Variants in MYO1H observed in about 807,000 individuals in gnomAD.
MYO1H encodes the protein myosin IH.
A neutral mutation model predicts 149.3 loss-of-function variants in MYO1H; 118 were observed. That is an observed-to-expected ratio of 0.79 (90% CI 0.68 to 0.92). The LOEUF (loss-of-function observed/expected upper bound fraction) is 0.92. MYO1H is among the 40% of genes least tolerant of loss of function. MYO1H has a pLI of 0.00. For missense variants in MYO1H, 1,212 were observed against 1,280.7 expected (o/e 0.95, Z 0.82); for synonymous variants, 447 against 465.2 (o/e 0.96, Z 0.50).
At chr12:109,345,365 C>A (rs562663860), upstream of MYO1H, among the ~76,000 whole-genome samples, 1 of 152,242 alleles carries the variant, frequency 6.6e-6, no homozygotes, top group Admixed American at 6.5e-5. Context: ...TGCTTAGCAT[C>A]GTTAGTCATC....
chr12:109,400,170 C>G (rs1870101428), intron 5 of MYO1H, among the ~76,000 whole-genome samples: 1 of 152,160 alleles, frequency 6.6e-6, no homozygotes, highest in African/African-American at 2.4e-5. Flanking sequence ...CTTATCTGTT[C>G]TACTTTTGAT....
At chr12:109,430,658 G>T (rs943091950) in intron 19 of MYO1H, among the ~76,000 whole-genome samples, 7 of 152,216 alleles carry the variant, frequency 4.6e-5, no homozygotes, top group African/African-American at 1.7e-4. Context: ...ACTGGACATG[G>T]TAGCTCATGC....
the MYO1H span, among the ~76,000 whole-genome samples, chr12:109,322,814 C>T: frequency 3.8e-5 from 4 of 106,578 alleles, no homozygotes; most frequent in Admixed American, 9.9e-5. Context: ...AGGGAGACTC[C>T]GTCTCAAAAA....
chr12:109,318,756 C>A, the MYO1H span, among the ~76,000 whole-genome samples: 1 of 152,094 alleles, frequency 6.6e-6, no homozygotes. Context: ...GGCATGAATG[C>A]AGTGTGGTGC....
intron 16 of MYO1H, among the ~76,000 whole-genome samples, chr12:109,424,301 T>C (rs959020530): frequency 7.9e-5 from 12 of 152,034 alleles, no homozygotes; most frequent in African/African-American, 2.9e-4. Flanking sequence ...ACTGGGACCA[T>C]AGGTGCACAC....
the MYO1H span, among the ~76,000 whole-genome samples, chr12:109,313,825 T>C: frequency 6.6e-6 from 1 of 152,178 alleles, no homozygotes; most frequent in Non-Finnish European, 1.5e-5. Flanking sequence ...TTTAATTTTG[T>C]GATGGTTTTA....
chr12:109,345,947 G>T (rs139354818), upstream of MYO1H, among the ~76,000 whole-genome samples: 18 of 152,298 alleles, frequency 1.2e-4, no homozygotes, highest in Middle Eastern at 6.8e-3. Context: ...CTAGGGTGGG[G>T]AAAAGGGAGA....
chr12:109,404,342 C>T (rs1336760475), intron 7 of MYO1H, among the ~76,000 whole-genome samples: 1 of 152,090 alleles, frequency 6.6e-6, no homozygotes, highest in Non-Finnish European at 1.5e-5. Context: ...ATTAACCAGG[C>T]GCGGTGGCAG....
At chr12:109,320,720 G>T in the MYO1H span, among the ~76,000 whole-genome samples, 6 of 151,924 alleles carry the variant, frequency 3.9e-5, no homozygotes, top group African/African-American at 9.7e-5. Flanking sequence ...TGCTAGAAGG[G>T]TTTAGAAGAC....
chr12:109,403,912 A>G (rs1870267544), intron 6 of MYO1H, 70 bp from the exon 7 acceptor site: 1 of 1,036,796 alleles, frequency 9.6e-7, no homozygotes, highest in Admixed American at 2.0e-5. Context: ...TTGCATCTTC[A>G]GAGAGGAATA....
the MYO1H span, among the ~76,000 whole-genome samples, chr12:109,338,899 T>G: frequency 1.3e-5 from 2 of 152,154 alleles, no homozygotes; most frequent in South Asian, 4.1e-4. Context: ...TGAAGTGAAT[T>G]GATAAAGTCT....
intron 1 of MYO1H, among the ~76,000 whole-genome samples, chr12:109,358,213 T>C (rs989032847): frequency 6.6e-6 from 1 of 151,932 alleles, no homozygotes; most frequent in Non-Finnish European, 1.5e-5. Context: ...AATATCAGGA[T>C]TGCTGTCATA....
chr12:109,335,465 A>C, the MYO1H span, among the ~76,000 whole-genome samples: 3 of 152,090 alleles, frequency 2.0e-5, no homozygotes, highest in Non-Finnish European at 4.4e-5. Context: ...TGGGGATTAC[A>C]TTTCAACATG....
At chr12:109,376,668 CA>C (rs1869093100) in intron 1 of MYO1H, among the ~76,000 whole-genome samples, 1 of 152,160 alleles carries the variant, frequency 6.6e-6, no homozygotes, top group African/African-American at 2.4e-5. Flanking sequence ...ATCCCCATGC[CA>C]ATATCATACT....
At position 109,438,618 on chromosome 12, in the gene MYO1H, AAAGT is replaced by A; in HGVS notation, c.2294+3_2294+6del. 2 of 1,610,274 alleles carry A rather than the reference AAAGT, an allele frequency of 1.2e-6. No homozygotes were observed. The highest frequency in any genetic ancestry group is 1.1e-5 in the South Asian group (1 of 90,010). On this transcript the variant is annotated splice_donor_variant and coding_sequence_variant, in exon 23 of 32. Coordinates refer to ENST00000310903, the Ensembl canonical transcript of MYO1H. LOFTEE classifies it high-confidence loss of function. Reference sequence around the variant, plus strand: ...GAAAGTGGGCCGTGCGGATTATCAGAAAGTAAGTTCTCAGGTACAACAGAGAGGA... The same window carrying A: ...GAAAGTGGGCCGTGCGGATTATCAGAAAGTTCTCAGGTACAACAGAGAGGA...
chr12:109,415,417 C>T (rs893217689), intron 14 of MYO1H, 109 bp from the exon 15 acceptor site: 10 of 974,840 alleles, frequency 1.0e-5, no homozygotes, highest in African/African-American at 3.2e-5. Flanking sequence ...CGGAGGTTGC[C>T]GTGAGCCAAG....
chr12:109,335,110 T>C, the MYO1H span, among the ~76,000 whole-genome samples: 2 of 152,246 alleles, frequency 1.3e-5, no homozygotes, highest in African/African-American at 2.4e-5. Context: ...TTTTCATGGC[T>C]GTATAATAGT....
At chr12:109,361,742 G>A (rs576664572) in intron 1 of MYO1H, among the ~76,000 whole-genome samples, 12 of 149,588 alleles carry the variant, frequency 8.0e-5, no homozygotes, top group South Asian at 2.1e-4. Flanking sequence ...TCAGGAGGTC[G>A]AGGTTGCAGT....
At chr12:109,318,978 T>G in the MYO1H span, among the ~76,000 whole-genome samples, 1,576 of 111,662 alleles carry the variant, frequency 0.014, 31 homozygotes, top group Non-Finnish European at 0.02. Context: ...TTTTGTTTTT[T>G]TTTTTTTTTT....
Sources: allele counts gnomAD v4.1 joint callset (sites outside exome capture counted in the v4.1 genomes callset), GRCh38; gene constraint gnomAD v4.1.1; transcripts MANE v1.5; gene names NCBI Gene and HGNC (gene_info 2026-07-23, HGNC 2026-07-21).